MNAT1: variants seen among roughly 807,000 people sequenced by gnomAD.
MNAT1 encodes MNAT1 component of CDK activating kinase.
A neutral mutation model predicts 42.0 loss-of-function variants in MNAT1; 43 were observed. That is an observed-to-expected ratio of 1.02 (90% CI 0.80 to 1.32). The LOEUF is 1.32. Among genes scored for constraint, MNAT1 ranks in the 40% most tolerant of loss-of-function variants. The pLI, the probability that MNAT1 is intolerant of heterozygous loss-of-function variation, is 0.00. For missense variants in MNAT1, 306 were observed against 350.4 expected, an observed-to-expected ratio of 0.87 and a Z score of 1.01; for synonymous variants, 118 against 120.0, an observed-to-expected ratio of 0.98 and a Z score of 0.11.
At chr14:60,884,919 G>C (rs1217379303) in intron 7 of MNAT1, among the ~76,000 whole-genome samples, 1 of 151,976 alleles carries the variant, frequency 6.6e-6, no homozygotes, top group East Asian at 1.9e-4. Context: ...GTTTGTCCGG[G>C]AAAGTCTTTA....
chr14:60,750,693 G>T (rs1396814511), intron 1 of MNAT1, among the ~76,000 whole-genome samples: 1 of 152,106 alleles, frequency 6.6e-6, no homozygotes, highest in African/African-American at 2.4e-5. Flanking sequence ...AAATCTTGCA[G>T]CCTGATTTTA....
chr14:60,837,862 CTATTT>C (rs1394584482), intron 6 of MNAT1, among the ~76,000 whole-genome samples: 3 of 152,134 alleles, frequency 2.0e-5, no homozygotes, highest in African/African-American at 7.2e-5. Context: ...TTTAGCTATA[CTATTT>C]AAGATTCTGT....
intron 7 of MNAT1, among the ~76,000 whole-genome samples, chr14:60,883,270 G>C (rs894202511): frequency 6.6e-6 from 1 of 151,928 alleles, no homozygotes; most frequent in African/African-American, 2.4e-5. Context: ...GAGAGTTAGG[G>C]GTCTAGTTTC....
At chr14:60,818,682 C>T (rs2032789834) in intron 5 of MNAT1, 40 bp from the exon 6 acceptor site, 3 of 1,490,492 alleles carry the variant, frequency 2.0e-6, no homozygotes, top group Non-Finnish European at 1.8e-6. Context: ...TTTAGTTTTC[C>T]CTTTTTACAT....
chr14:60,777,542 T>C (rs2140311552), intron 1 of MNAT1, among the ~76,000 whole-genome samples: 1 of 152,324 alleles, frequency 6.6e-6, no homozygotes. Context: ...CTGCATACTT[T>C]TAAATTTACA....
At chr14:60,794,412 C>T (rs761794532) in intron 1 of MNAT1, among the ~76,000 whole-genome samples, 24 of 151,594 alleles carry the variant, frequency 1.6e-4, no homozygotes, top group Non-Finnish European at 3.2e-4. Context: ...TGCCTATAAT[C>T]CCAGAACCTT....
chr14:60,741,658 G>GTTTTTTTTTTTTTTTTTT (rs3049888), intron 1 of MNAT1, among the ~76,000 whole-genome samples: 2 of 92,022 alleles, frequency 2.2e-5, no homozygotes, highest in African/African-American at 4.1e-5. Flanking sequence ...TGCGCCTGGG[G>GTTTTTTTTTTTTTTTTTT]TTTTTTTTTT....
At chr14:60,912,434 T>G (rs186605749) in intron 7 of MNAT1, among the ~76,000 whole-genome samples, 1 of 152,228 alleles carries the variant, frequency 6.6e-6, no homozygotes, top group Non-Finnish European at 1.5e-5. Flanking sequence ...CTTTACAAAT[T>G]GGCATGTTTT....
At position 60,834,071 on chromosome 14, in the gene MNAT1, A is replaced by T. The variant is rs544128674; in HGVS notation, c.687+15224A>T. On this transcript the variant is annotated intron_variant, in intron 6 of 7. Coordinates refer to ENST00000261245, the MANE Select transcript of MNAT1 (RefSeq NM_002431.4). ...TCTATTTGATTCTTCTCTCTTGTTT[A>T]TTAGTCTGGATAATGGTCTATCTTT... 9.0e-3 allele frequency among the ~76,000 whole-genome samples: 1,371 copies of T among 151,728 alleles called. 16 individuals carry two copies. Among genetic ancestry groups the T allele is most frequent in the Non-Finnish European group, 0.011 (721 of 67,746 alleles).
chr14:60,833,583 T>C (rs1483014358), intron 6 of MNAT1, among the ~76,000 whole-genome samples: 2 of 152,232 alleles, frequency 1.3e-5, no homozygotes, highest in African/African-American at 4.8e-5. Flanking sequence ...AGTTTGCCAG[T>C]ATTTTATTGA....
intron 1 of MNAT1, among the ~76,000 whole-genome samples, chr14:60,741,675 T>TTTG (rs1896469420): frequency 2.7e-5 from 4 of 146,998 alleles, no homozygotes; most frequent in African/African-American, 1.0e-4. Context: ...TTTTTTTTTT[T>TTTG]TTTTTAATTT....
chr14:60,935,545 T>G (rs1789381078), intron 7 of MNAT1, among the ~76,000 whole-genome samples: 1 of 152,186 alleles, frequency 6.6e-6, no homozygotes, highest in Non-Finnish European at 1.5e-5. Context: ...TATCTTCTCT[T>G]ATTTTCAGTA....
intron 6 of MNAT1, among the ~76,000 whole-genome samples, chr14:60,867,241 T>C (rs557136952): frequency 1.3e-5 from 2 of 152,266 alleles, no homozygotes; most frequent in African/African-American, 4.8e-5. Context: ...TGAACGTTGC[T>C]GAAGAGCTAG....
chr14:60,833,853 A>T (rs140022914), intron 6 of MNAT1, among the ~76,000 whole-genome samples: 1 of 152,092 alleles, frequency 6.6e-6, no homozygotes, highest in African/African-American at 2.4e-5. Flanking sequence ...CCATTTCAGA[A>T]CTTGTTGTTG....
chr14:60,911,349 G>A (rs187041890), intron 7 of MNAT1, among the ~76,000 whole-genome samples: 8 of 152,000 alleles, frequency 5.3e-5, no homozygotes, highest in Middle Eastern at 3.4e-3. Flanking sequence ...ACTTAGTTAT[G>A]TCTTGCCTTC....
intron 1 of MNAT1, among the ~76,000 whole-genome samples, chr14:60,795,691 A>G (rs1043109281): frequency 9.2e-5 from 14 of 152,198 alleles, no homozygotes; most frequent in Non-Finnish European, 1.9e-4. Flanking sequence ...TCCTCTGGCC[A>G]GTGAGGCCTC....
chr14:60,943,627 T>A (rs75458762), intron 7 of MNAT1, among the ~76,000 whole-genome samples: 7 of 145,336 alleles, frequency 4.8e-5, no homozygotes, highest in African/African-American at 1.0e-4. Flanking sequence ...TTTTTTTTTT[T>A]AATTCCTAAA....
chr14:60,963,554 G>A (rs1470683473), intron 7 of MNAT1, among the ~76,000 whole-genome samples: 2 of 152,110 alleles, frequency 1.3e-5, no homozygotes, highest in Non-Finnish European at 2.9e-5. Flanking sequence ...AATCTTTATA[G>A]CTTTGGCTGA....
chr14:60,886,141 A>G (rs937502747), intron 7 of MNAT1, among the ~76,000 whole-genome samples: 2 of 152,012 alleles, frequency 1.3e-5, no homozygotes, highest in African/African-American at 4.8e-5. Context: ...TGTCAATACC[A>G]TACTATAGCT....
Sources: gnomAD v4.1 joint callset for allele counts (sites outside exome capture counted in the v4.1 genomes callset) on GRCh38, gnomAD v4.1.1 for gene constraint, MANE v1.5 for transcripts, NCBI Gene and HGNC (gene_info 2026-07-23, HGNC 2026-07-21) for gene names.